The following OPCML variants were observed in gnomAD, a reference collection of about 807,000 sequenced individuals.
OPCML encodes opioid binding protein/cell adhesion molecule like.
Under a neutral mutation model 37.8 loss-of-function variants are expected in OPCML, and 13 were observed. That is an observed-to-expected ratio of 0.34 (90% CI 0.22 to 0.55). The LOEUF (loss-of-function observed/expected upper bound fraction) is 0.55, where lower values mean the gene tolerates loss of function less well. Ranked by LOEUF, OPCML falls within the 20% of genes least tolerant of loss-of-function variation. OPCML has a pLI of 0.91. For synonymous variants in OPCML, 176 were observed against 168.8 expected (o/e 1.04, Z -0.33); for missense variants, 341 against 435.6 (o/e 0.78, Z 1.93).
At chr11:132,701,777 T>C (rs1943829109) in intron 2 of OPCML, among the ~76,000 whole-genome samples, 1 of 145,800 alleles carries the variant, frequency 6.9e-6, no homozygotes. Context: ...TGTGTGTGTG[T>C]GTGTGTGTGT....
At chr11:133,162,666 A>T (rs1950160885) in intron 1 of OPCML, among the ~76,000 whole-genome samples, 1 of 152,176 alleles carries the variant, frequency 6.6e-6, no homozygotes. Context: ...GAAACTTTGC[A>T]GTTACAGCCA....
rs369947746 is a variant in OPCML, at chr11:133,130,303, C to A, written c.62-187293G>T. Among the ~76,000 whole-genome samples the A allele has an allele frequency of 4.3e-4, 65 of 152,102 alleles. No individual in the cohort carries two copies. In the South Asian group the frequency reaches 0.013, roughly 30 times the overall value. On this transcript the variant is annotated intron_variant, in intron 1 of 7. Transcript: ENST00000524381. ...AGAAAATGTGTGGAACATTAATGAT[C>A]TGTGAGATAACTTCAAGAGGCCAAA...
chr11:133,325,267 AAGCATTCT>A (rs1311379470), intron 1 of OPCML, among the ~76,000 whole-genome samples: 1 of 152,226 alleles, frequency 6.6e-6, no homozygotes. Flanking sequence ...ATATGTATCA[AAGCATTCT>A]TTTTTGGCCT....
intron 4 of OPCML, among the ~76,000 whole-genome samples, chr11:132,494,973 T>TC (rs2096226737): frequency 2.0e-5 from 3 of 152,006 alleles, no homozygotes; most frequent in Admixed American, 1.3e-4. Flanking sequence ...AGGGAATACA[T>TC]TTCGACTACA....
chr11:132,529,002 A>T lies in OPCML; in HGVS notation c.505+59T>A, dbSNP rs1050677509. Reference sequence around the variant, plus strand: ...TCTGATTCCTGAAGCTCTGTTGTGCATAAGAGCCAAGACTTTAACATACTA... The same window carrying T: ...TCTGATTCCTGAAGCTCTGTTGTGCTTAAGAGCCAAGACTTTAACATACTA... On this transcript the variant is annotated intron_variant, in intron 4 of 7. Coordinates refer to ENST00000524381, the MANE Select transcript of OPCML (RefSeq NM_001012393.5). 3 of 1,046,918 alleles carry T rather than the reference A, an allele frequency of 2.9e-6. No homozygotes were observed. The African/African-American group carries it at 4.8e-5, about 17-fold the overall frequency. The allele number at this position is 1,046,918 out of a possible 1,614,324, so 64.9% of individuals were successfully genotyped here.
At position 133,369,934 on chromosome 11, in the gene OPCML, A is replaced by T. The variant is rs191021680; in HGVS notation, c.61+162330T>A. The stretch of plus-strand genomic sequence containing the variant: ...ATATTTGCATATACCTAATGTTATA[A>T]CTTGGGGGATGGAATTGAAGTCTGA... On this transcript the variant is annotated intron_variant, in intron 1 of 7. Transcript: ENST00000524381. Among the ~76,000 whole-genome samples, 467 of 152,298 alleles carry T rather than the reference A, an allele frequency of 3.1e-3. 2 individuals are homozygous for T. Among genetic ancestry groups the T allele is most frequent in the African/African-American group, 9.9e-3 (410 of 41,566 alleles).
At chr11:132,535,973 C>A (rs954236729) in intron 3 of OPCML, among the ~76,000 whole-genome samples, 2 of 152,062 alleles carry the variant, frequency 1.3e-5, no homozygotes, top group African/African-American at 4.8e-5. Flanking sequence ...TTTTTAATTG[C>A]AGATTATTAG....
At chr11:132,738,707 T>C (rs984982051) in intron 2 of OPCML, among the ~76,000 whole-genome samples, 2 of 152,196 alleles carry the variant, frequency 1.3e-5, no homozygotes, top group African/African-American at 2.4e-5. Flanking sequence ...TCCTGGTGTT[T>C]TGAAAACACA....
In OPCML at chr11:133,484,894, T is replaced by C. The variant is rs1174854234; in HGVS notation, c.61+47370A>G. ...TAACAGTTGTTAAAATTAACAACTA[T>C]ATGTAACGAAAAAGAAAGTAAAAAG... On this transcript the variant is annotated intron_variant, in intron 1 of 7. Transcript: ENST00000524381. Among the ~76,000 whole-genome samples the C allele has an allele frequency of 2.0e-5, 3 of 152,026 alleles. 1 individual carries two copies. The highest frequency in any genetic ancestry group is 4.4e-5 in the Non-Finnish European group (3 of 67,968).
chr11:133,003,624 GACC>G (rs1947053000), intron 1 of OPCML: 6 of 981,100 alleles, frequency 6.1e-6, no homozygotes, highest in Non-Finnish European at 7.3e-6. Context: ...CTTTTCAGAT[GACC>G]ACAATATTCT....
intron 1 of OPCML, among the ~76,000 whole-genome samples, chr11:133,521,921 G>A (rs1178570793): frequency 1.3e-5 from 2 of 152,176 alleles, no homozygotes; most frequent in African/African-American, 4.8e-5. Flanking sequence ...TCCTGTTTCG[G>A]CCTGCTACCA....
At chr11:132,465,010 C>T (rs2096115259) in intron 4 of OPCML, among the ~76,000 whole-genome samples, 1 of 152,062 alleles carries the variant, frequency 6.6e-6, no homozygotes, top group South Asian at 2.1e-4. Context: ...ACCTAAATGG[C>T]AAAATATGCT....
intron 1 of OPCML, among the ~76,000 whole-genome samples, chr11:133,312,989 T>C (rs972257602): frequency 6.6e-6 from 1 of 152,190 alleles, no homozygotes; most frequent in Non-Finnish European, 1.5e-5. Context: ...AATGAATCAA[T>C]AAATGAATGA....
At chr11:132,750,225 C>G (rs754470845) in intron 2 of OPCML, among the ~76,000 whole-genome samples, 1 of 152,086 alleles carries the variant, frequency 6.6e-6, no homozygotes, top group East Asian at 1.9e-4. Flanking sequence ...GTGTCATGGA[C>G]TAAATACTTA....
At chr11:132,973,636 A>G (rs906067419) in intron 1 of OPCML, among the ~76,000 whole-genome samples, 1 of 152,206 alleles carries the variant, frequency 6.6e-6, no homozygotes, top group Non-Finnish European at 1.5e-5. Flanking sequence ...TAAGGACACA[A>G]CAAAGTTGAC....
intron 7 of OPCML, chr11:132,435,287 G>A (rs2096009269): frequency 7.8e-7 from 1 of 1,280,826 alleles, no homozygotes; most frequent in South Asian, 1.2e-5. Flanking sequence ...CTTAATGTCA[G>A]TGCTGAAAGC....
intron 1 of OPCML, among the ~76,000 whole-genome samples, chr11:133,183,589 T>A (rs1450849106): frequency 6.6e-6 from 1 of 152,220 alleles, no homozygotes; most frequent in East Asian, 1.9e-4. Context: ...TTATTAAGGA[T>A]CTACTATACT....
intron 2 of OPCML, among the ~76,000 whole-genome samples, chr11:132,885,383 G>A (rs2063071): frequency 0.28 from 43,159 of 152,034 alleles, 6,838 homozygotes; most frequent in Non-Finnish European, 0.36. Flanking sequence ...ATTTCTGCCC[G>A]TGGTTAAACA....
chr11:132,850,516 G>GT (rs1941758630), intron 2 of OPCML, among the ~76,000 whole-genome samples: 1 of 148,028 alleles, frequency 6.8e-6, no homozygotes, highest in African/African-American at 2.5e-5. Context: ...CTGTGGAAAG[G>GT]GTGTGTGTGT....
Sources: allele counts gnomAD v4.1 joint callset (sites outside exome capture counted in the v4.1 genomes callset), GRCh38; gene constraint gnomAD v4.1.1; transcripts MANE v1.5; gene names NCBI Gene and HGNC (gene_info 2026-07-23, HGNC 2026-07-21).